COL5A3: variants seen among roughly 807,000 people sequenced by gnomAD.
The protein encoded by COL5A3 is collagen alpha-3(V) chain.
In COL5A3, 172 loss-of-function variants were observed where a neutral mutation model predicts 250.0. The observed-to-expected ratio is 0.69, with a 90% confidence interval of 0.61 to 0.78. The LOEUF (loss-of-function observed/expected upper bound fraction) is 0.78. Among genes scored for constraint, COL5A3 ranks in the 30% least tolerant of loss-of-function variants. COL5A3 has a pLI of 0.00. For missense variants in COL5A3, 2,340 were observed against 2,334.4 expected (o/e 1.00, Z -0.05); for synonymous variants, 937 against 900.4 (o/e 1.04, Z -0.73).
At chr19:9,973,699 C>T in intron 49 of COL5A3, 57 bp downstream of exon 49, 1 of 1,612,430 alleles carries the variant, frequency 6.2e-7, no homozygotes, top group Non-Finnish European at 8.5e-7. Flanking sequence ...ATGTCCCTGC[C>T]CAATAGGACT....
intron 20 of COL5A3, 64 bp from the exon 21 acceptor site, chr19:9,992,944 C>T: frequency 1.2e-6 from 2 of 1,607,672 alleles, no homozygotes; most frequent in South Asian, 1.1e-5. Context: ...CTCTAGGGGT[C>T]CTATGAGTCC....
chr19:9,974,890 T>C (rs1408725068), intron 45 of COL5A3, among the ~76,000 whole-genome samples: 1 of 152,008 alleles, frequency 6.6e-6, no homozygotes, highest in Admixed American at 6.6e-5. Context: ...TTTTTGTTTG[T>C]TTGTTTTTGT....
At chr19:9,989,053 C>T in intron 27 of COL5A3, 71 bp downstream of exon 27, 1 of 1,506,108 alleles carries the variant, frequency 6.6e-7, no homozygotes, top group Non-Finnish European at 9.2e-7. Context: ...CCAGAAGTTT[C>T]TGATGGAGCT....
rs2086781962 is a variant in COL5A3, at chr19:9,968,250, C to T, written c.4314+135G>A. 1.0e-6 allele frequency: 1 copy of T among 988,930 alleles called. No homozygotes were observed. The highest frequency in any genetic ancestry group is 1.5e-6 in the Non-Finnish European group (1 of 649,618). The allele number at this position is 988,930 out of a possible 1,614,324, so 61.3% of individuals were successfully genotyped here. A position where few individuals can be genotyped will look rare whatever the true frequency, so the allele number is the denominator to read the frequency against. On this transcript the variant is annotated intron_variant, in intron 59 of 66. Coordinates refer to ENST00000264828, the MANE Select transcript of COL5A3 (RefSeq NM_015719.4). The surrounding 1 kb of genome is among the most constrained non-coding windows in gnomAD (Gnocchi z 4.1). ...GACGCAGCCTCCAACTTGCCAGTTC[C>T]CAGATACATCCCCCTATTTTCCCCA...
chr19:9,991,342 C>T (rs2087185844), intron 24 of COL5A3, among the ~76,000 whole-genome samples: 2 of 152,208 alleles, frequency 1.3e-5, no homozygotes, highest in Admixed American at 1.3e-4. Context: ...GGGCCTGTGC[C>T]TCTTGGTAAT....
intron 42 of COL5A3, 37 bp downstream of exon 42, chr19:9,977,557 G>C (rs766673013): frequency 2.0e-6 from 3 of 1,535,684 alleles, no homozygotes; most frequent in Non-Finnish European, 1.8e-6. Context: ...GCCAGACCCT[G>C]AGGAGGCCCT....
intron 45 of COL5A3, among the ~76,000 whole-genome samples, chr19:9,976,229 G>C (rs2086920247): frequency 6.6e-6 from 1 of 151,950 alleles, no homozygotes; most frequent in Non-Finnish European, 1.5e-5. Context: ...TTGGTATTGA[G>C]AAGAAGACAT....
intron 1 of COL5A3, among the ~76,000 whole-genome samples, chr19:10,006,453 GT>G (rs35938123): frequency 0.18 from 26,668 of 149,148 alleles, 2,584 homozygotes; most frequent in Middle Eastern, 0.27. Context: ...TGTTGACTCT[GT>G]TTTTTTTTTT....
At position 9,970,958 on chromosome 19, in the gene COL5A3, T is replaced by C; in HGVS notation, c.3882+17A>G. 1 of 1,555,354 alleles carries C rather than the reference T, an allele frequency of 6.4e-7. No homozygotes were observed. Among genetic ancestry groups the C allele is most frequent in the South Asian group, 1.2e-5 (1 of 81,796 alleles). On this transcript the variant is annotated intron_variant, in intron 53 of 66. Coordinates refer to ENST00000264828, the MANE Select transcript of COL5A3 (RefSeq NM_015719.4). ...CAACCCCCGCCTCAGCACCACACCC[T>C]CTGTTTTCCCACTCACCGGTCCCCC...
At chr19:9,960,951 C>T in intron 65 of COL5A3, 61 bp from the exon 66 acceptor site, 2 of 1,580,806 alleles carry the variant, frequency 1.3e-6, no homozygotes, top group Non-Finnish European at 1.7e-6. Flanking sequence ...CTGCAGAAGC[C>T]ACCCCCTGGA....
chr19:9,985,597 C>T (rs1015244036), intron 31 of COL5A3, among the ~76,000 whole-genome samples: 1 of 151,932 alleles, frequency 6.6e-6, no homozygotes, highest in Admixed American at 6.6e-5. Context: ...ATAGGGACCA[C>T]GTTTTGCCAC....
intron 8 of COL5A3, among the ~76,000 whole-genome samples, chr19:10,000,016 C>A (rs893846567): frequency 1.3e-5 from 2 of 152,146 alleles, no homozygotes; most frequent in Non-Finnish European, 2.9e-5. Flanking sequence ...CCTCAACCTA[C>A]CAAATTGCTG....
At position 9,960,216 on chromosome 19, in the gene COL5A3, G is replaced by T; in HGVS notation, c.*195C>A. On this transcript the variant is annotated 3_prime_UTR_variant, in exon 67 of 67. Transcript: ENST00000264828. ...GCCACCTGGAATGGGGTGAGAGGAG[G>T]CTGGACCCTTGGGCCAGGGAACCCC... The T allele has an allele frequency of 1.5e-6, 1 of 656,610 alleles. No individual in the cohort carries two copies. The highest frequency in any genetic ancestry group is 2.6e-6 in the Non-Finnish European group (1 of 388,704). 40.7% of individuals were successfully genotyped at this position (656,610 alleles called of 1,614,324 possible). A position where few individuals can be genotyped will look rare whatever the true frequency, so the allele number is the denominator to read the frequency against.
chr19:9,970,683 A>C lies in COL5A3; in HGVS notation c.3883-8T>G. On this transcript the variant is annotated splice_region_variant and splice_polypyrimidine_tract_variant and intron_variant, in intron 53 of 66. Coordinates refer to ENST00000264828, the MANE Select transcript of COL5A3 (RefSeq NM_015719.4). ...AGAAGCTCCAGGCGGACCCTGGAGG[A>C]GACAAGGACACCAGCTGTGGTCTCA... 1 of 1,427,864 alleles carries C rather than the reference A, an allele frequency of 7.0e-7. No individual in the cohort carries two copies. The highest frequency in any genetic ancestry group is 9.2e-7 in the Non-Finnish European group (1 of 1,089,916). The allele number at this position is 1,427,864 out of a possible 1,614,324, so 88.4% of individuals were successfully genotyped here. A position where few individuals can be genotyped will look rare whatever the true frequency, so the allele number is the denominator to read the frequency against.
chr19:9,991,941 G>A (rs1599217609), intron 22 of COL5A3, 63 bp downstream of exon 22: 1 of 1,568,928 alleles, frequency 6.4e-7, no homozygotes, highest in East Asian at 2.2e-5. Context: ...AGGGAATAGG[G>A]ATGTGGACAA....
chr19:9,969,533 A>C, intron 56 of COL5A3, 42 bp downstream of exon 56: 7 of 1,602,370 alleles, frequency 4.4e-6, no homozygotes, highest in Non-Finnish European at 4.3e-6. Flanking sequence ...GACAGAGAGG[A>C]GCTGGATCCA....
intron 45 of COL5A3, 108 bp downstream of exon 45, chr19:9,976,450 G>T: frequency 1.3e-6 from 1 of 778,196 alleles, no homozygotes; most frequent in South Asian, 2.0e-5. Flanking sequence ...GGAAGATCAG[G>T]GTTGGGTTTG....
Position 9,996,091 on chromosome 19 carries a change from C to T in COL5A3, c.1508G>A (p.Gly503Glu). The change falls in exon 15 of 67, where the codon GGA becomes GAA. Residue 503 changes from glycine (G) to glutamate (E), a missense_variant. Transcript: ENST00000264828. The stretch of plus-strand genomic sequence containing the variant: ...CTGTGGCCCTTCTGCTCCCTCCTCT[C>T]CTTTCAGACCTGGATGCCCGGGGAG... ...VGLPGHPGLKGEEGAEGPQGP... is the reference protein window; with the variant it reads ...VGLPGHPGLKEEEGAEGPQGP... 1 of 1,584,362 alleles carries T rather than the reference C, an allele frequency of 6.3e-7. No individual in the cohort carries two copies. The highest frequency in any genetic ancestry group is 8.6e-7 in the Non-Finnish European group (1 of 1,166,426).
intron 60 of COL5A3, 30 bp downstream of exon 60, chr19:9,967,996 C>T: frequency 6.3e-7 from 1 of 1,596,468 alleles, no homozygotes; most frequent in Non-Finnish European, 8.5e-7. Context: ...ACAGTGACCT[C>T]ATCCCACAAA....
Sources: gnomAD v4.1 joint callset for allele counts (sites outside exome capture counted in the v4.1 genomes callset) on GRCh38, gnomAD v4.1.1 for gene constraint, Gnocchi (gnomAD v3.1) non-coding constraint, MANE v1.5 for transcripts, NCBI Gene and HGNC (gene_info 2026-07-23, HGNC 2026-07-21) for gene names.